The following PEAK1 variants were observed in gnomAD, a reference collection of about 807,000 sequenced individuals.
PEAK1 encodes the protein inactive tyrosine-protein kinase PEAK1.
In PEAK1, 54 loss-of-function variants were observed where a neutral mutation model predicts 124.7. The observed-to-expected ratio is 0.43, with a 90% CI of 0.35 to 0.54. PEAK1 has a LOEUF of 0.54. Among genes scored for constraint, PEAK1 ranks in the 20% least tolerant of loss-of-function variants. The pLI is 0.01. For missense variants in PEAK1, 2,046 were observed against 2,134.5 expected (o/e 0.96, Z 0.82); for synonymous variants, 719 against 760.0 (o/e 0.95, Z 0.89).
intron 2 of PEAK1, among the ~76,000 whole-genome samples, chr15:77,306,735 T>C (rs1410026428): frequency 1.3e-5 from 2 of 152,028 alleles, no homozygotes; most frequent in East Asian, 3.9e-4. Context: ...AATTCCAAAC[T>C]CTCCATAACT....
intron 2 of PEAK1, among the ~76,000 whole-genome samples, chr15:77,307,123 T>TA (rs1470312019): frequency 6.6e-6 from 1 of 152,148 alleles, no homozygotes; most frequent in Non-Finnish European, 1.5e-5. Context: ...TATTAAACCA[T>TA]AAGTAACCTT....
chr15:77,296,436 A>AC (rs1366075942), intron 2 of PEAK1, among the ~76,000 whole-genome samples: 1 of 151,580 alleles, frequency 6.6e-6, no homozygotes, highest in Admixed American at 6.6e-5. Flanking sequence ...ACATGGTGAA[A>AC]CCCCCATCTC....
intron 2 of PEAK1, among the ~76,000 whole-genome samples, chr15:77,314,414 G>A (rs986502272): frequency 2.6e-5 from 4 of 151,810 alleles, no homozygotes; most frequent in African/African-American, 9.7e-5. Context: ...TGTCACCCAG[G>A]CTGGAGTGCA....
chr15:77,239,710 C>A, intron 6 of PEAK1: 2 of 433,728 alleles, frequency 4.6e-6, no homozygotes, highest in Non-Finnish European at 6.1e-6. Flanking sequence ...CAGGAGCTGA[C>A]AATCATTACC....
chr15:77,417,770 TA>T, intron 1 of PEAK1: 1 of 985,396 alleles, frequency 1.0e-6, no homozygotes, highest in South Asian at 4.7e-5. Flanking sequence ...AAGCAAATGC[TA>T]ATCTCATGAT....
chr15:77,323,467 C>T (rs922933078), intron 2 of PEAK1, among the ~76,000 whole-genome samples: 7 of 152,194 alleles, frequency 4.6e-5, no homozygotes, highest in African/African-American at 7.2e-5. Context: ...GCAAAAATCA[C>T]AAGCATTCTT....
intron 1 of PEAK1, among the ~76,000 whole-genome samples, chr15:77,394,558 G>A (rs545736656): frequency 8.5e-5 from 13 of 152,274 alleles, no homozygotes; most frequent in East Asian, 5.8e-4. Flanking sequence ...TGCAAAAGCC[G>A]GTGTTACTGG....
In PEAK1 at chr15:77,133,469, A is replaced by G; in HGVS notation, c.3613T>C (p.Tyr1205His). The change falls in exon 9 of 10, where the codon TAT (tyrosine) becomes CAT (histidine). Residue 1205 changes from tyrosine to histidine, a missense_variant. By Grantham distance (83) the Tyr-to-His change is moderately conservative. Transcript: ENST00000682557. The surrounding 1 kb of genome is among the most constrained non-coding windows in gnomAD (Gnocchi z 4.2). ...DASSAGSSIS[Y>H]ELKGLDIESY... ...TCAATGTCCAGTCCTTTGAGTTCAT[A>G]GCTGATGGAAGAACCAGCACTGCTG... is the stretch of plus-strand genomic sequence containing the variant. 1 of 1,614,224 alleles carries G rather than the reference A, an allele frequency of 6.2e-7. No individual in the cohort carries two copies. The highest frequency in any genetic ancestry group is 8.5e-7 in the Non-Finnish European group (1 of 1,180,044).
intron 8 of PEAK1, among the ~76,000 whole-genome samples, chr15:77,150,669 C>G (rs1214350975): frequency 7.8e-6 from 1 of 128,676 alleles, no homozygotes; most frequent in Admixed American, 8.2e-5. Flanking sequence ...CCCCTCCCCC[C>G]ACCCCACAAC....
In PEAK1 at chr15:77,379,099, G is replaced by A. The variant is rs184451023; in HGVS notation, c.-665-13874C>T. 1.4e-3 allele frequency among the ~76,000 whole-genome samples: 218 copies of A among 152,294 alleles called. 2 individuals carry two copies. The highest frequency in any genetic ancestry group is 1.6e-3 in the Non-Finnish European group (110 of 68,016). ...ATTACAAGTTATATTGGTAATAAAT[G>A]TGTTCACTTAGGTAACAAGAAAGAA... On this transcript the variant is annotated intron_variant, in intron 1 of 9. Transcript: ENST00000682557.
At chr15:77,296,455 A>C (rs1027751170) in intron 2 of PEAK1, among the ~76,000 whole-genome samples, 1 of 151,648 alleles carries the variant, frequency 6.6e-6, no homozygotes, top group Non-Finnish European at 1.5e-5. Flanking sequence ...TCTACTAAAA[A>C]TATAAAAAAT....
intron 8 of PEAK1, among the ~76,000 whole-genome samples, chr15:77,149,143 A>T (rs1375242639): frequency 1.3e-5 from 2 of 152,196 alleles, no homozygotes; most frequent in African/African-American, 4.8e-5. Flanking sequence ...GTGGGCAATG[A>T]CACAGCTCTT....
chr15:77,315,058 G>A (rs1441352224), intron 2 of PEAK1, among the ~76,000 whole-genome samples: 1 of 151,936 alleles, frequency 6.6e-6, no homozygotes, highest in Non-Finnish European at 1.5e-5. Flanking sequence ...AATAAAAATC[G>A]AAATAATTTT....
At chr15:77,212,394 T>A (rs2152863950) in intron 6 of PEAK1, among the ~76,000 whole-genome samples, 1 of 152,196 alleles carries the variant, frequency 6.6e-6, no homozygotes, top group East Asian at 1.9e-4. Context: ...AAGCTCCTTT[T>A]GAGAAAATAA....
intron 1 of PEAK1, among the ~76,000 whole-genome samples, chr15:77,398,399 T>C (rs1253893376): frequency 2.0e-5 from 3 of 152,002 alleles, no homozygotes; most frequent in Admixed American, 1.3e-4. Context: ...AATAACACAT[T>C]AAAAAGACCA....
chr15:77,259,184 C>T (rs1401196928), intron 5 of PEAK1, among the ~76,000 whole-genome samples: 1 of 152,108 alleles, frequency 6.6e-6, no homozygotes, highest in Non-Finnish European at 1.5e-5. Context: ...ATACAAACTA[C>T]ATTCAAGATG....
intron 2 of PEAK1, among the ~76,000 whole-genome samples, chr15:77,295,894 A>G (rs1314362990): frequency 6.6e-6 from 1 of 152,218 alleles, no homozygotes; most frequent in East Asian, 1.9e-4. Context: ...TAAAGCTTCA[A>G]CAGTGAATAT....
chr15:77,183,071 C>T (rs1030810531), intron 6 of PEAK1, among the ~76,000 whole-genome samples: 1 of 152,184 alleles, frequency 6.6e-6, no homozygotes, highest in Non-Finnish European at 1.5e-5. Context: ...CCAAATGTAG[C>T]TTATTCCTGT....
chr15:77,301,686 G>A (rs1217101197), intron 2 of PEAK1, among the ~76,000 whole-genome samples: 1 of 152,066 alleles, frequency 6.6e-6, no homozygotes, highest in Non-Finnish European at 1.5e-5. Flanking sequence ...TCTGGCTTGA[G>A]GTACAATTTA....
Sources: allele counts gnomAD v4.1 joint callset (sites outside exome capture counted in the v4.1 genomes callset), GRCh38; gene constraint gnomAD v4.1.1; non-coding constraint Gnocchi (gnomAD v3.1); transcripts MANE v1.5; gene names NCBI Gene and HGNC (gene_info 2026-07-23, HGNC 2026-07-21).